The following KCNIP1 variants were observed in gnomAD, a reference collection of about 807,000 sequenced individuals.
KCNIP1 encodes potassium voltage-gated channel interacting protein 1.
KCNIP1 carries 18 observed loss-of-function variants against 33.0 expected under a neutral mutation model. The ratio of observed to expected loss-of-function variants is 0.55; its 90% CI spans 0.38 to 0.81. The LOEUF is 0.81. Among genes scored for constraint, KCNIP1 ranks in the 30% least tolerant of loss-of-function variants. The pLI is 0.00. For missense variants in KCNIP1, 238 were observed against 271.6 expected (o/e 0.88, Z 0.87); for synonymous variants, 93 against 98.3 (o/e 0.95, Z 0.32).
intron 1 of KCNIP1, among the ~76,000 whole-genome samples, chr5:170,392,179 A>T (rs898492849): frequency 6.6e-6 from 1 of 152,082 alleles, no homozygotes; most frequent in Admixed American, 6.5e-5. Context: ...ATCTCAGCCA[A>T]CAGCTAGCAA....
intron 1 of KCNIP1, among the ~76,000 whole-genome samples, chr5:170,387,081 TA>T (rs1764506106): frequency 6.6e-6 from 1 of 152,164 alleles, no homozygotes; most frequent in African/African-American, 2.4e-5. Context: ...GAGCCTCTGG[TA>T]AATTTATTTG....
chr5:170,735,437 G>A (rs1489615506), intron 7 of KCNIP1, among the ~76,000 whole-genome samples: 1 of 152,170 alleles, frequency 6.6e-6, no homozygotes, highest in African/African-American at 2.4e-5. Context: ...ATTGGTCAGT[G>A]TAATTAATCA....
At chr5:170,696,201 A>G (rs530094153) in intron 1 of KCNIP1, among the ~76,000 whole-genome samples, 31 of 151,184 alleles carry the variant, frequency 2.1e-4, no homozygotes, top group Non-Finnish European at 4.3e-4. Flanking sequence ...CACTTCCCTC[A>G]CTCTTTTCCT....
intron 1 of KCNIP1, among the ~76,000 whole-genome samples, chr5:170,580,499 A>G (rs11134638): frequency 0.33 from 49,709 of 151,990 alleles, 9,836 homozygotes; most frequent in Admixed American, 0.44. Flanking sequence ...AAGTCGGTAG[A>G]CTTCAGGAGC....
intron 1 of KCNIP1, among the ~76,000 whole-genome samples, chr5:170,434,340 G>A (rs1254925493): frequency 1.3e-5 from 2 of 152,200 alleles, no homozygotes; most frequent in Admixed American, 1.3e-4. Flanking sequence ...AATAGAGCAT[G>A]AAATATAGCC....
At chr5:170,568,793 C>T (rs567332835) in intron 1 of KCNIP1, among the ~76,000 whole-genome samples, 5 of 151,954 alleles carry the variant, frequency 3.3e-5, no homozygotes, top group East Asian at 1.9e-4. Flanking sequence ...ACTGCACTCC[C>T]GCCTGGTTGA....
At chr5:170,658,745 G>A (rs1264999564) in intron 1 of KCNIP1, among the ~76,000 whole-genome samples, 7 of 152,146 alleles carry the variant, frequency 4.6e-5, no homozygotes, top group African/African-American at 1.7e-4. Context: ...GAGTGAGCAA[G>A]AGAATGGAAG....
chr5:170,578,452 A>C (rs147783592), intron 1 of KCNIP1, among the ~76,000 whole-genome samples: 69 of 152,254 alleles, frequency 4.5e-4, no homozygotes, highest in African/African-American at 1.5e-3. Flanking sequence ...GACCTCGAGA[A>C]CAGGCCTATG....
intron 1 of KCNIP1, among the ~76,000 whole-genome samples, chr5:170,580,256 T>C (rs1429870078): frequency 6.6e-6 from 1 of 152,234 alleles, no homozygotes; most frequent in Non-Finnish European, 1.5e-5. Context: ...TTAGAAACAC[T>C]GCTGGAAAGT....
intron 1 of KCNIP1, among the ~76,000 whole-genome samples, chr5:170,625,039 G>A (rs905673614): frequency 1.4e-4 from 21 of 151,972 alleles, no homozygotes; most frequent in African/African-American, 4.4e-4. Context: ...GGATGCCCTC[G>A]TGAGCTGAGT....
intron 1 of KCNIP1, among the ~76,000 whole-genome samples, chr5:170,540,956 G>GA (rs527674438): frequency 1.2e-4 from 18 of 152,164 alleles, no homozygotes; most frequent in Admixed American, 6.5e-4. Flanking sequence ...TGCCCTCTCT[G>GA]AGCCCTCTCT....
intron 1 of KCNIP1, chr5:170,354,095 G>A: frequency 2.3e-6 from 2 of 876,588 alleles, no homozygotes; most frequent in Non-Finnish European, 1.8e-6. Flanking sequence ...TTGGTGGCTG[G>A]GATTCGAGGT....
chr5:170,622,945 G>A (rs1438811667), intron 1 of KCNIP1, among the ~76,000 whole-genome samples: 4 of 152,358 alleles, frequency 2.6e-5, no homozygotes, highest in Non-Finnish European at 5.9e-5. Context: ...GTGTGGGGTG[G>A]GAGATGGTTT....
chr5:170,490,389 C>T (rs1009164236), intron 1 of KCNIP1, among the ~76,000 whole-genome samples: 6 of 152,174 alleles, frequency 3.9e-5, no homozygotes, highest in Non-Finnish European at 7.3e-5. Context: ...GGGAGCCCCC[C>T]GTGGTGATGA....
intron 1 of KCNIP1, among the ~76,000 whole-genome samples, chr5:170,602,834 G>A (rs972222616): frequency 2.0e-5 from 3 of 152,230 alleles, no homozygotes; most frequent in Non-Finnish European, 2.9e-5. Context: ...CCCTTCCCAA[G>A]GGCGCAAGGT....
chr5:170,548,613 A>G (rs1291546230), intron 1 of KCNIP1, among the ~76,000 whole-genome samples: 1 of 152,120 alleles, frequency 6.6e-6, no homozygotes, highest in Admixed American at 6.5e-5. Context: ...TTCCTTCCCC[A>G]TCCACCTTCC....
intron 1 of KCNIP1, among the ~76,000 whole-genome samples, chr5:170,699,739 C>G (rs1258220039): frequency 6.6e-6 from 1 of 152,040 alleles, no homozygotes; most frequent in Non-Finnish European, 1.5e-5. Context: ...ATTGTAGGCT[C>G]TATTAACTAA....
chr5:170,657,273 G>A (rs1761308941), intron 1 of KCNIP1, among the ~76,000 whole-genome samples: 1 of 152,162 alleles, frequency 6.6e-6, no homozygotes, highest in Admixed American at 6.5e-5. Flanking sequence ...TGGGATTACA[G>A]GTGTGAGTCA....
intron 1 of KCNIP1, among the ~76,000 whole-genome samples, chr5:170,713,152 G>C (rs574176422): frequency 6.6e-6 from 1 of 152,370 alleles, no homozygotes; most frequent in African/African-American, 2.4e-5. Flanking sequence ...CTCAAGTGTA[G>C]TAATTGCTTC....
Sources: allele counts gnomAD v4.1 joint callset (sites outside exome capture counted in the v4.1 genomes callset), GRCh38; gene constraint gnomAD v4.1.1; transcripts MANE v1.5; gene names NCBI Gene and HGNC (gene_info 2026-07-23, HGNC 2026-07-21).